Variants in SEC16A observed in about 807,000 individuals in gnomAD.
SEC16A encodes the protein protein transport protein Sec16A.
A neutral mutation model predicts 221.9 loss-of-function variants in SEC16A; 110 were observed. That is an observed-to-expected ratio of 0.50 (90% CI 0.42 to 0.58). The LOEUF (loss-of-function observed/expected upper bound fraction) is 0.58. Among genes scored for constraint, SEC16A ranks in the 20% least tolerant of loss-of-function variants. SEC16A has a pLI of 0.00. For synonymous variants in SEC16A, 1,393 were observed against 1,257.7 expected, an observed-to-expected ratio of 1.11 and a Z score of -2.28; for missense variants, 3,165 against 3,097.8, an observed-to-expected ratio of 1.02 and a Z score of -0.52.
chr9:136,451,062 G>A (rs1483574533), intron 23 of SEC16A, among the ~76,000 whole-genome samples, 194 bp downstream of exon 23: 1 of 152,184 alleles, frequency 6.6e-6, no homozygotes, highest in Non-Finnish European at 1.5e-5. Context: ...GCTGACCTGG[G>A]TGGGCTATTA....
chr9:136,459,764 G>T lies in SEC16A; in HGVS notation c.5184C>A (p.Asp1728Glu), dbSNP rs1171721477. ...VESRTMATMGDTLASRGLLDA... is the reference protein window; with the variant it reads ...VESRTMATMGETLASRGLLDA... ...TCTCCACCCCTGACCTACCCAGAGTGTCGCCCATGGTAGCCATCGTCCTGG... is the reference window on the plus strand; with the variant it reads ...TCTCCACCCCTGACCTACCCAGAGTTTCGCCCATGGTAGCCATCGTCCTGG... Residue 1728 changes from aspartate (D) to glutamate (E), a missense_variant, in exon 15 of 32, where the codon GAC becomes GAA. By Grantham distance (45) the Asp-to-Glu change is conservative. Transcript: ENST00000684901. This position sits in a 1 kb window ranked among gnomAD's most constrained non-coding sequence, Gnocchi z 6.1. 1 of 1,608,354 alleles carries T rather than the reference G, an allele frequency of 6.2e-7. No homozygotes were observed. Among genetic ancestry groups the T allele is most frequent in the East Asian group, 2.2e-5 (1 of 44,708 alleles).
intron 8 of SEC16A, among the ~76,000 whole-genome samples, chr9:136,465,268 T>C (rs1564503625): frequency 6.6e-6 from 1 of 152,202 alleles, no homozygotes; most frequent in Non-Finnish European, 1.5e-5. Context: ...CTGGCCAACA[T>C]GGCAAAACCC....
At chr9:136,456,934 A>G (rs965563271) in intron 18 of SEC16A, among the ~76,000 whole-genome samples, 4 of 151,972 alleles carry the variant, frequency 2.6e-5, no homozygotes, top group Middle Eastern at 3.2e-3. Context: ...TTGGGAGGCC[A>G]AGGCAGATGC....
In SEC16A at chr9:136,463,738, G is replaced by A. The variant is rs1360967312; in HGVS notation, c.4449C>T (p.Ala1483=). 2.0e-5 allele frequency: 32 copies of A among 1,611,816 alleles called. No individual in the cohort carries two copies. In the East Asian group the frequency reaches 7.1e-4, roughly 36 times the overall value. Residue 1483 remains alanine (A), a splice_region_variant and synonymous_variant, in exon 10 of 32, where the codon GCC becomes GCT. Transcript: ENST00000684901. ...CCTGCTCAGACGTGTGCTGCAGCAA[G>A]GCCTACGAGGAGAGGGCCGTGGGTC... ...PALVEVHSME[A]LLQHTSEQEE...
In SEC16A at chr9:136,474,328, T is replaced by C. The variant is rs1387291967; in HGVS notation, c.3288A>G (p.Ser1096=). The C allele has an allele frequency of 1.9e-6, 3 of 1,612,258 alleles. No homozygotes were observed. Among genetic ancestry groups the C allele is most frequent in the South Asian group, 2.2e-5 (2 of 90,934 alleles). ...SLPAQGQAQN[S]AQSPASLVLV... is the part of the protein sequence containing the mutation. ...GAACCAGACTTGCTGGTGACTGTGC[T>C]GAGTTCTGGGCCTGTCCCTGTGCGG... The change falls in exon 3 of 32, where the codon TCA becomes TCG. Residue 1096 remains serine (S), a synonymous_variant. Coordinates refer to ENST00000684901, the MANE Select transcript of SEC16A (RefSeq NM_014866.2).
At chr9:136,457,336 C>T in intron 18 of SEC16A, 108 bp downstream of exon 18, 3 of 1,288,826 alleles carry the variant, frequency 2.3e-6, no homozygotes, top group Non-Finnish European at 3.1e-6. Context: ...TGAGCGCCTA[C>T]CACAATGCGC....
intron 9 of SEC16A, 74 bp downstream of exon 9, chr9:136,464,346 G>T: frequency 7.1e-7 from 1 of 1,411,186 alleles, no homozygotes; most frequent in Non-Finnish European, 9.6e-7. Context: ...GACAATTGAA[G>T]ATGACAAACT....
At position 136,447,614 on chromosome 9, in the gene SEC16A, G is replaced by A; in HGVS notation, c.6514C>T (p.Pro2172Ser). Reference sequence around the variant, plus strand: ...TTCACGGGGGCTCCAGGAGGCCCTGGGAGGGCAGGCGGGGCAGCTTGCACA... The same window carrying A: ...TTCACGGGGGCTCCAGGAGGCCCTGAGAGGGCAGGCGGGGCAGCTTGCACA... Reference protein sequence around the residue: ...KTVQAAPPALPGPPGAPVNMY... With the variant: ...KTVQAAPPALSGPPGAPVNMY... Residue 2172 changes from proline (P) to serine (S), a missense_variant, in exon 26 of 32, where the codon CCA becomes TCA. Pro to Ser is a moderately conservative substitution (Grantham distance 74). Around this residue, in one of 3 missense-constraint regions of SEC16A, gnomAD observed 1,088 missense variants for 1,089.6 expected, o/e 1.00. Transcript: ENST00000684901. The surrounding 1 kb of genome is among the most constrained non-coding windows in gnomAD (Gnocchi z 5.5). 1.2e-6 allele frequency: 2 copies of A among 1,613,796 alleles called. No homozygotes were observed. The highest frequency in any genetic ancestry group is 8.5e-7 in the Non-Finnish European group (1 of 1,179,706).
chr9:136,482,203 C>G (rs1394489290), intron 1 of SEC16A, among the ~76,000 whole-genome samples: 1 of 152,206 alleles, frequency 6.6e-6, no homozygotes, highest in Non-Finnish European at 1.5e-5. Context: ...CTGAAACTTG[C>G]AAAAGTATCA....
At position 136,466,904 on chromosome 9, in the gene SEC16A, T is replaced by C. The variant is rs1176285721; in HGVS notation, c.3929+53A>G. 2.5e-6 allele frequency: 4 copies of C among 1,573,950 alleles called. No individual in the cohort carries two copies. Among genetic ancestry groups the C allele is most frequent in the East Asian group, 2.3e-5 (1 of 43,374 alleles). ...CCCAGACATGAGGGCAGAGAAGCACTAGCGCGCCCTGGCTGCCCCCAGCCT... is the reference window on the plus strand; with the variant it reads ...CCCAGACATGAGGGCAGAGAAGCACCAGCGCGCCCTGGCTGCCCCCAGCCT... On this transcript the variant is annotated intron_variant, in intron 6 of 31. Transcript: ENST00000684901. This position sits in a 1 kb window ranked among gnomAD's most constrained non-coding sequence, Gnocchi z 5.5.
rs369863840 is a variant in SEC16A at position 136,471,992 on chromosome 9, C to T, written c.3687G>A (p.Ser1229=). The T allele has an allele frequency of 8.9e-5, 143 of 1,612,262 alleles. 1 individual carries two copies. Among genetic ancestry groups the T allele is most frequent in the African/African-American group, 8.1e-4 (61 of 75,030 alleles). The part of the protein sequence containing the change: ...ERPSSRASHS[S]ERPPPRQGYP... Reference sequence around the variant, plus strand: ...GGCCGCACCTGGGAGGTGGCCGTTCCGAGGAGTGGCTGGCTCGGGAGCTGG... The same window carrying T: ...GGCCGCACCTGGGAGGTGGCCGTTCTGAGGAGTGGCTGGCTCGGGAGCTGG... The change falls in exon 4 of 32, where the codon TCG becomes TCA. Residue 1229 remains serine (S), a synonymous_variant. Coordinates refer to ENST00000684901, the MANE Select transcript of SEC16A (RefSeq NM_014866.2).
At chr9:136,464,640 C>T (rs1037606698) in intron 8 of SEC16A, 78 bp from the exon 9 acceptor site, 1 of 1,300,166 alleles carries the variant, frequency 7.7e-7, no homozygotes, top group African/African-American at 1.5e-5. Context: ...AATGTGCTCA[C>T]ACAGCTTAAA....
rs553678443 is a variant in SEC16A at position 136,449,939 on chromosome 9, C to T, written c.6312+1317G>A. 3.3e-5 allele frequency among the ~76,000 whole-genome samples: 5 copies of T among 152,304 alleles called. No individual in the cohort carries two copies. The East Asian group carries it at 9.6e-4, about 29-fold the overall frequency. On this transcript the variant is annotated intron_variant, in intron 23 of 31. Coordinates refer to ENST00000684901, the MANE Select transcript of SEC16A (RefSeq NM_014866.2). The stretch of plus-strand genomic sequence containing the variant: ...CATTACTAGGCCGGGCATGGTGGCT[C>T]ACACCTGTAATCCCAGTACTTTGGG...
chr9:136,474,171 G>A lies in SEC16A; in HGVS notation c.3445C>T (p.Pro1149Ser), dbSNP rs1564525156. Residue 1149 changes from proline to serine, a missense_variant, in exon 3 of 32, where the codon CCC (proline) becomes TCC (serine). Coordinates refer to ENST00000684901, the MANE Select transcript of SEC16A (RefSeq NM_014866.2). ...GCCAGGTCCTGAGGCGGTGGGCCGGGGGCAAGTGCAGGCACTGGCTGTGGC... is the reference window on the plus strand; with the variant it reads ...GCCAGGTCCTGAGGCGGTGGGCCGGAGGCAAGTGCAGGCACTGGCTGTGGC... ...PWPQPVPALA[P>S]GPPPQDLAAY... 1 of 1,613,186 alleles carries A rather than the reference G, an allele frequency of 6.2e-7. No homozygotes were observed.
chr9:136,444,098 C>T (rs981307268), intron 30 of SEC16A, 198 bp from the exon 31 acceptor site: 31 of 488,744 alleles, frequency 6.3e-5, no homozygotes, highest in Non-Finnish European at 1.1e-4. Context: ...ATCAAAGCAA[C>T]GTGCAGAGCC....
chr9:136,471,898 A>T (rs112036476), intron 4 of SEC16A, 77 bp downstream of exon 4: 5 of 1,531,360 alleles, frequency 3.3e-6, no homozygotes, highest in African/African-American at 2.7e-5. Flanking sequence ...TTGAGTCACT[A>T]AGTTATCCCC....
At position 136,447,639 on chromosome 9, in the gene SEC16A, A is replaced by C; in HGVS notation, c.6489T>G (p.Thr2163=). The change falls in exon 26 of 32, where the codon ACT becomes ACG. Residue 2163 remains threonine (T), a synonymous_variant. Transcript: ENST00000684901. This position sits in a 1 kb window ranked among gnomAD's most constrained non-coding sequence, Gnocchi z 5.5. The part of the protein sequence containing the change: ...PPPPPTSMPK[T]VQAAPPALPG... The stretch of plus-strand genomic sequence containing the variant: ...GGAGGGCAGGCGGGGCAGCTTGCAC[A>C]GTCTTGGGCATCGAGGTTGGAGGTG... The C allele has an allele frequency of 6.2e-7, 1 of 1,613,390 alleles. No individual in the cohort carries two copies. Among genetic ancestry groups the C allele is most frequent in the Non-Finnish European group, 8.5e-7 (1 of 1,179,472 alleles).
intron 12 of SEC16A, among the ~76,000 whole-genome samples, chr9:136,462,298 T>C (rs1307057073): frequency 6.6e-6 from 1 of 151,974 alleles, no homozygotes; most frequent in Non-Finnish European, 1.5e-5. Flanking sequence ...AGACAGCCCC[T>C]CCTGTGCACA....
At position 136,476,962 on chromosome 9, in the gene SEC16A, C is replaced by T. The variant is rs774958767; in HGVS notation, c.654G>A (p.Val218=). 1.8e-5 allele frequency: 29 copies of T among 1,612,904 alleles called. No homozygotes were observed. The highest frequency in any genetic ancestry group is 2.7e-5 in the African/African-American group (2 of 74,928). ...GCCCCGAGGGCTGTGGGCCTCCCTG[C>T]ACTGGCCCCCACTGTCCTGGCATCT... ...GLQMPGQWGP[V]QGGPQPSGQH... Residue 218 remains valine (V), a synonymous_variant, in exon 3 of 32, where the codon GTG becomes GTA. Transcript: ENST00000684901.
Sources: gnomAD v4.1 joint callset for allele counts (sites outside exome capture counted in the v4.1 genomes callset) on GRCh38, gnomAD v4.1.1 for gene constraint, gnomAD v4.1.1 regional missense constraint, Gnocchi (gnomAD v3.1) non-coding constraint, MANE v1.5 for transcripts, NCBI Gene and HGNC (gene_info 2026-07-23, HGNC 2026-07-21) for gene names.